The following THADA variants were observed in gnomAD, a reference collection of about 807,000 sequenced individuals.
THADA encodes the protein THADA armadillo repeat containing, also known as tRNA (32-2'-O)-methyltransferase regulator THADA.
A neutral mutation model predicts 219.8 loss-of-function variants in THADA; 213 were observed. The ratio of observed to expected loss-of-function variants is 0.97; its 90% CI spans 0.87 to 1.09. THADA has a LOEUF of 1.09. Among genes scored for constraint, THADA ranks in the 50% least tolerant of loss-of-function variants. The pLI is 0.00. For synonymous variants in THADA, 1,018 were observed against 828.9 expected, an observed-to-expected ratio of 1.23 and a Z score of -3.92; for missense variants, 2,956 against 2,311.3, an observed-to-expected ratio of 1.28 and a Z score of -5.72.
At chr2:43,329,497 G>C (rs10210507) in intron 30 of THADA, among the ~76,000 whole-genome samples, 2 of 151,906 alleles carry the variant, frequency 1.3e-5, no homozygotes, top group Non-Finnish European at 2.9e-5. Context: ...AAAATAGTAC[G>C]AATGATAATA....
At position 43,279,245 on chromosome 2, in the gene THADA, C is replaced by T. The variant is rs572225396; in HGVS notation, c.5296+520G>A. Among the ~76,000 whole-genome samples the T allele has an allele frequency of 1.8e-3, 275 of 152,294 alleles. 2 individuals carry two copies. The highest frequency in any genetic ancestry group is 6.0e-3 in the African/African-American group (251 of 41,548). ...CTAGGGTGCTCTTCTTTCCACTCCC[C>T]TCCTCCCTCCTGGGTTCATGTTATT... On this transcript the variant is annotated intron_variant, in intron 36 of 37. Coordinates refer to ENST00000405975, the MANE Select transcript of THADA (RefSeq NM_022065.5).
intron 29 of THADA, among the ~76,000 whole-genome samples, chr2:43,383,297 C>G (rs1409782751): frequency 6.6e-6 from 1 of 152,208 alleles, no homozygotes; most frequent in African/African-American, 2.4e-5. Flanking sequence ...GTTTTGGAGA[C>G]AGTGCATAAG....
intron 26 of THADA, among the ~76,000 whole-genome samples, chr2:43,465,173 C>A (rs1684092980): frequency 6.6e-6 from 1 of 152,300 alleles, no homozygotes; most frequent in Non-Finnish European, 1.5e-5. Flanking sequence ...AATTAAAGAA[C>A]TATTTATCCA....
chr2:43,357,399 C>G (rs1202829707), intron 29 of THADA, among the ~76,000 whole-genome samples: 2 of 152,070 alleles, frequency 1.3e-5, no homozygotes, highest in South Asian at 4.1e-4. Context: ...ATGTTGTATA[C>G]ATAACATATT....
chr2:43,280,936 T>C (rs1673277186), intron 35 of THADA, among the ~76,000 whole-genome samples: 1 of 152,208 alleles, frequency 6.6e-6, no homozygotes, highest in African/African-American at 2.4e-5. Flanking sequence ...TGGACTGCTG[T>C]AACTGACACA....
chr2:43,534,585 G>A (rs947777876), intron 21 of THADA, among the ~76,000 whole-genome samples: 5 of 151,972 alleles, frequency 3.3e-5, no homozygotes, highest in African/African-American at 1.2e-4. Flanking sequence ...TCTGTTCCTG[G>A]CTTATTTCAC....
rs541662226 is a variant in THADA, at chr2:43,360,948, C to T, written c.4228-16711G>A. ...AGTTCTAAACGTGGAATGAGTTCAT[C>T]CCCAGGAGACATCTGACAATATCTA... On this transcript the variant is annotated intron_variant, in intron 29 of 37. Coordinates refer to ENST00000405975, the MANE Select transcript of THADA (RefSeq NM_022065.5). Among the ~76,000 whole-genome samples the T allele has an allele frequency of 6.6e-5, 10 of 152,258 alleles. No individual in the cohort carries two copies. The East Asian group carries it at 1.9e-3, about 29-fold the overall frequency.
intron 29 of THADA, among the ~76,000 whole-genome samples, chr2:43,356,183 T>A (rs750984505): frequency 1.3e-5 from 2 of 152,178 alleles, no homozygotes; most frequent in South Asian, 2.1e-4. Flanking sequence ...AGTGAAAACA[T>A]TGATTCATTC....
At chr2:43,504,799 G>A (rs550292823) in intron 24 of THADA, among the ~76,000 whole-genome samples, 2 of 152,276 alleles carry the variant, frequency 1.3e-5, no homozygotes, top group South Asian at 2.1e-4. Flanking sequence ...CATGGGAATC[G>A]CTTGAACCCA....
At chr2:43,501,988 T>C (rs541991135) in intron 24 of THADA, among the ~76,000 whole-genome samples, 4 of 152,036 alleles carry the variant, frequency 2.6e-5, no homozygotes, top group South Asian at 2.1e-4. Context: ...GCTCCAAAGA[T>C]AGATTAATAG....
intron 31 of THADA, among the ~76,000 whole-genome samples, chr2:43,311,919 C>A (rs1573018422): frequency 6.6e-6 from 1 of 152,360 alleles, no homozygotes; most frequent in Non-Finnish European, 1.5e-5. Flanking sequence ...ACAGATGTGG[C>A]CGGTCATGGT....
chr2:43,261,656 GA>G (rs1670962108), intron 36 of THADA, among the ~76,000 whole-genome samples: 1 of 138,494 alleles, frequency 7.2e-6, no homozygotes, highest in African/African-American at 2.7e-5. Flanking sequence ...TTTTTTTTGA[GA>G]TGGAGTTTTG....
intron 22 of THADA, among the ~76,000 whole-genome samples, chr2:43,520,981 A>G (rs1341524905): frequency 1.2e-4 from 5 of 41,898 alleles, no homozygotes; most frequent in African/African-American, 3.3e-4. Context: ...GGGAGGGAGG[A>G]AGGGAGGAAA....
At chr2:43,330,100 A>T (rs549980554) in intron 30 of THADA, among the ~76,000 whole-genome samples, 1 of 152,304 alleles carries the variant, frequency 6.6e-6, no homozygotes, top group South Asian at 2.1e-4. Context: ...CTGACTTGCT[A>T]ACCTTGAGTA....
At chr2:43,550,952 CA>C (rs879462696) in intron 19 of THADA, among the ~76,000 whole-genome samples, 3 of 150,748 alleles carry the variant, frequency 2.0e-5, no homozygotes, top group African/African-American at 2.4e-5. Flanking sequence ...CCATCTCTAC[CA>C]AAAAAAAATT....
chr2:43,437,842 G>GTA (rs920867828), intron 26 of THADA, among the ~76,000 whole-genome samples: 16 of 151,912 alleles, frequency 1.1e-4, no homozygotes, highest in African/African-American at 2.7e-4. Context: ...GAGAACATTT[G>GTA]TATATATATA....
At chr2:43,270,212 A>G (rs1176779554) in intron 36 of THADA, among the ~76,000 whole-genome samples, 4 of 152,110 alleles carry the variant, frequency 2.6e-5, no homozygotes, top group Non-Finnish European at 5.9e-5. Context: ...ATTATGTGAC[A>G]CTGGGGAAAT....
chr2:43,350,288 T>C (rs565491207), intron 29 of THADA, among the ~76,000 whole-genome samples: 7 of 152,286 alleles, frequency 4.6e-5, no homozygotes, highest in African/African-American at 1.2e-4. Flanking sequence ...GAATCTAAAC[T>C]TTCTAATTCA....
At chr2:43,288,159 C>G (rs985065262) in intron 34 of THADA, among the ~76,000 whole-genome samples, 1 of 152,246 alleles carries the variant, frequency 6.6e-6, no homozygotes, top group Non-Finnish European at 1.5e-5. Context: ...TGGCTCACGG[C>G]TATAATCCCA....
Sources: gnomAD v4.1 joint callset for allele counts (sites outside exome capture counted in the v4.1 genomes callset) on GRCh38, gnomAD v4.1.1 for gene constraint, MANE v1.5 for transcripts, NCBI Gene and HGNC (gene_info 2026-07-23, HGNC 2026-07-21) for gene names.